Variants in HM13 observed in about 807,000 individuals in gnomAD.
HM13 encodes signal peptide peptidase.
Under a neutral mutation model 50.0 loss-of-function variants are expected in HM13, and 18 were observed. The ratio of observed to expected loss-of-function variants is 0.36; its 90% CI spans 0.25 to 0.53. HM13 has a LOEUF of 0.53. Among genes scored for constraint, HM13 ranks in the 20% least tolerant of loss-of-function variants. HM13 has a pLI of 0.90. For missense variants in HM13, 393 were observed against 552.4 expected, an observed-to-expected ratio of 0.71 and a Z score of 2.89; for synonymous variants, 197 against 232.6, an observed-to-expected ratio of 0.85 and a Z score of 1.39.
chr20:31,527,748 G>A (rs1381767555), intron 2 of HM13, among the ~76,000 whole-genome samples, 166 bp downstream of exon 2: 1 of 152,142 alleles, frequency 6.6e-6, no homozygotes, highest in African/African-American at 2.4e-5. Flanking sequence ...AACTGTTAGT[G>A]TTTGGGACCC....
intron 7 of HM13, chr20:31,550,493 C>A: frequency 4.9e-6 from 1 of 205,032 alleles, no homozygotes; most frequent in Admixed American, 5.3e-5. Flanking sequence ...CTGTCTATCC[C>A]GTGCCTCTCA....
chr20:31,524,495 A>AC (rs1334992155), intron 1 of HM13, among the ~76,000 whole-genome samples: 1 of 152,102 alleles, frequency 6.6e-6, no homozygotes, highest in Admixed American at 6.5e-5. Flanking sequence ...GTTGCTTTCT[A>AC]CAGGAAGACA....
chr20:31,527,671 T>G, intron 2 of HM13, 89 bp downstream of exon 2: 4 of 888,618 alleles, frequency 4.5e-6, no homozygotes, highest in Non-Finnish European at 7.2e-6. Flanking sequence ...ACCATGCATG[T>G]TCATTTATAG....
In HM13 at chr20:31,549,094, G is replaced by A. The variant is rs377441140; in HGVS notation, c.520G>A (p.Val174Ile). Residue 174 changes from valine (V) to isoleucine (I), a missense_variant, in exon 5 of 13, where the codon GTC becomes ATC. Physicochemically the swap from Val to Ile is conservative, Grantham distance 29. Around this residue, in one of 3 missense-constraint regions of HM13, gnomAD observed 214 missense variants for 276.1 expected, o/e 0.77. Transcript: ENST00000398174. ...CCTGGGCCTGAGCAGCATCGTTGGC[G>A]TCTGGTACCTGCTGAGGAAGGTGAG... ...VCLGLSSIVGVWYLLRKHWIA... is the reference protein window; with the variant it reads ...VCLGLSSIVGIWYLLRKHWIA... 204 of 1,613,956 alleles carry A rather than the reference G, an allele frequency of 1.3e-4. No individual in the cohort carries two copies. Among genetic ancestry groups the A allele is most frequent in the Middle Eastern group, 1.6e-4 (1 of 6,084 alleles).
chr20:31,517,350 C>T (rs1028976111), intron 1 of HM13, among the ~76,000 whole-genome samples: 4 of 152,168 alleles, frequency 2.6e-5, no homozygotes, highest in African/African-American at 9.7e-5. Context: ...CCATCACTGT[C>T]AGAGTCCTAT....
chr20:31,546,441 T>A (rs1314324477), intron 4 of HM13, among the ~76,000 whole-genome samples: 1 of 151,940 alleles, frequency 6.6e-6, no homozygotes, highest in African/African-American at 2.4e-5. Context: ...TGTTAAACAA[T>A]TGTTGATTTT....
At chr20:31,539,350 T>C in intron 3 of HM13, 1 of 985,430 alleles carries the variant, frequency 1.0e-6, no homozygotes, top group Non-Finnish European at 1.2e-6. Context: ...GACCAAGAGG[T>C]GGCCAGGGTT....
At chr20:31,553,553 G>A (rs758209705) in intron 7 of HM13, among the ~76,000 whole-genome samples, 5 of 152,062 alleles carry the variant, frequency 3.3e-5, no homozygotes, top group Non-Finnish European at 7.3e-5. Context: ...CAAAACTAAG[G>A]CAGGTAAGTA....
At chr20:31,564,528 G>GTTCA (rs1004691551) in intron 10 of HM13, among the ~76,000 whole-genome samples, 4 of 151,852 alleles carry the variant, frequency 2.6e-5, no homozygotes, top group African/African-American at 7.3e-5. Context: ...AGTGAGCCAT[G>GTTCA]TTCATATCAC....
At chr20:31,561,764 G>A (rs1441805976) in intron 10 of HM13, 28 bp downstream of exon 10, 4 of 1,465,994 alleles carry the variant, frequency 2.7e-6, no homozygotes, top group Non-Finnish European at 3.8e-6. Flanking sequence ...AGAGTGTCAG[G>A]AATGCCTCAC....
chr20:31,535,316 CAG>C (rs1983046545), intron 2 of HM13: 1 of 152,102 alleles, frequency 6.6e-6, no homozygotes, highest in Admixed American at 6.6e-5. Context: ...ATAAGAAAAA[CAG>C]AAGAAATAGA....
At chr20:31,550,283 C>G in intron 7 of HM13, 162 bp downstream of exon 7, 1 of 640,136 alleles carries the variant, frequency 1.6e-6, no homozygotes, top group East Asian at 2.7e-5. Flanking sequence ...ATTCATCTGG[C>G]TGTGTTCATC....
At position 31,560,616 on chromosome 20, in the gene HM13, G is replaced by A. The variant is rs545570783; in HGVS notation, c.845+969G>A. 2.0e-5 allele frequency among the ~76,000 whole-genome samples: 3 copies of A among 152,356 alleles called. No individual in the cohort carries two copies. In the South Asian group the frequency reaches 6.2e-4, roughly 32 times the overall value. On this transcript the variant is annotated intron_variant, in intron 9 of 12. Transcript: ENST00000398174. ...CCGTCTCTACTCCTGGCTGTTCAGA[G>A]GTAATACAAAGTGAAACCCATAAGA...
Position 31,568,137 on chromosome 20 carries a change from T to C in HM13, c.1094T>C (p.Val365Ala). The change falls in exon 12 of 13, where the codon GTC becomes GCC. Residue 365 changes from valine (V) to alanine (A), a missense_variant. Physicochemically the swap from Val to Ala is moderately conservative, Grantham distance 64. Transcript: ENST00000398174. Reference sequence around the variant, plus strand: ...CCGAGGCTCACCCACTTCCCCACAGTCTCGGGCTCCCCAGCCAGCCTGGCC... The same window carrying C: ...CCGAGGCTCACCCACTTCCCCACAGCCTCGGGCTCCCCAGCCAGCCTGGCC... ...HTPRLTHFPT[V>A]SGSPASLADS... is the part of the protein sequence containing the mutation. 2.5e-6 allele frequency: 4 copies of C among 1,613,162 alleles called. No homozygotes were observed. Among genetic ancestry groups the C allele is most frequent in the Non-Finnish European group, 3.4e-6 (4 of 1,179,888 alleles).
At chr20:31,568,981 G>A (rs745342509) in intron 12 of HM13, 139 bp from the exon 13 acceptor site, 19 of 614,162 alleles carry the variant, frequency 3.1e-5, no homozygotes, top group Non-Finnish European at 4.1e-5. Flanking sequence ...GTTAGGTGCT[G>A]GGCAGTGGAC....
rs1463457431 is a variant in HM13 at position 31,538,120 on chromosome 20, G to A, written c.283-59G>A. 4.4e-6 allele frequency: 7 copies of A among 1,597,300 alleles called. No homozygotes were observed. The Admixed American group carries it at 1.2e-4, about 27-fold the overall frequency. On this transcript the variant is annotated intron_variant, in intron 2 of 12. Transcript: ENST00000398174. ...CTCCAGAAGAGACGCAGGGACTCTG[G>A]TTTCCTCACAGCCACTGGCAACCCT...
rs1981650438 is a variant in HM13 at position 31,514,618 on chromosome 20, A to G, written c.67A>G (p.Thr23Ala). 6.3e-7 allele frequency: 1 copy of G among 1,593,356 alleles called. No individual in the cohort carries two copies. The highest frequency in any genetic ancestry group is 8.5e-7 in the Non-Finnish European group (1 of 1,171,836). ...GGCAGGCGGCCCCACCAACAGCACT[A>G]CGCGGCCGCCTTCCACGCCCGAGGG... ...AEAGGPTNST[T>A]RPPSTPEGIA... The change falls in exon 1 of 13, where the codon ACG becomes GCG. Residue 23 changes from threonine (T) to alanine (A), a missense_variant. By Grantham distance (58) the Thr-to-Ala change is moderately conservative (BLOSUM62 0). Around this residue, in one of 3 missense-constraint regions of HM13, gnomAD observed 214 missense variants for 276.1 expected, o/e 0.77. Coordinates refer to ENST00000398174, the MANE Select transcript of HM13 (RefSeq NM_178581.3). The surrounding 1 kb of genome is among the most constrained non-coding windows in gnomAD (Gnocchi z 4.3).
chr20:31,538,488 C>T (rs1054992396), intron 3 of HM13: 24 of 1,409,934 alleles, frequency 1.7e-5, no homozygotes, highest in Admixed American at 2.9e-5. Flanking sequence ...TGGGTGTTTC[C>T]ACCACCACAG....
chr20:31,550,096 C>G lies in HM13; in HGVS notation c.699C>G (p.Ala233=), dbSNP rs147394359. The change falls in exon 7 of 13, where the codon GCC becomes GCG. Residue 233 remains alanine (A), a synonymous_variant. Coordinates refer to ENST00000398174, the MANE Select transcript of HM13 (RefSeq NM_178581.3). ...VFGTNVMVTV[A]KSFEAPIKLV... ...GCACCAATGTGATGGTGACAGTGGCCAAGTCCTTCGAGGCACCAATAAAAT... is the reference window on the plus strand; with the variant it reads ...GCACCAATGTGATGGTGACAGTGGCGAAGTCCTTCGAGGCACCAATAAAAT... 7 of 1,613,956 alleles carry G rather than the reference C, an allele frequency of 4.3e-6. No individual in the cohort carries two copies. Among genetic ancestry groups the G allele is most frequent in the Non-Finnish European group, 5.9e-6 (7 of 1,179,882 alleles).
Sources: gnomAD v4.1 joint callset for allele counts (sites outside exome capture counted in the v4.1 genomes callset) on GRCh38, gnomAD v4.1.1 for gene constraint, gnomAD v4.1.1 regional missense constraint, Gnocchi (gnomAD v3.1) non-coding constraint, MANE v1.5 for transcripts, NCBI Gene and HGNC (gene_info 2026-07-23, HGNC 2026-07-21) for gene names.